Variants in PLCL2 observed in about 807,000 individuals in gnomAD.
PLCL2 encodes inactive phospholipase C-like protein 2.
Under a neutral mutation model 79.6 loss-of-function variants are expected in PLCL2, and 4 were observed. That is an observed-to-expected ratio of 0.05 (90% CI 0.02 to 0.11). The LOEUF is 0.11. PLCL2 is among the 10% of genes least tolerant of loss of function. The probability of loss-of-function intolerance (pLI) is 1.00; values close to 1 mark genes in which losing one functional copy is unlikely to be tolerated. For missense variants in PLCL2, 895 were observed against 1,291.0 expected, an observed-to-expected ratio of 0.69 and a Z score of 4.70; for synonymous variants, 484 against 457.7, an observed-to-expected ratio of 1.06 and a Z score of -0.73.
chr3:16,963,978 TA>T (rs1185046263), intron 1 of PLCL2, among the ~76,000 whole-genome samples: 2 of 152,178 alleles, frequency 1.3e-5, no homozygotes, highest in Non-Finnish European at 2.9e-5. Context: ...ATAAAGAATG[TA>T]AAAGTTATAA....
In PLCL2 at chr3:16,948,798, A is replaced by C. The variant is rs540249446; in HGVS notation, c.328-60876A>C. ...TTATCTACCAGAGAGAAAATCCCAG[A>C]GTTCAAATGTACTGAGAATTTTTAT... On this transcript the variant is annotated intron_variant, in intron 1 of 5. Transcript: ENST00000615277. Among the ~76,000 whole-genome samples, 33 of 152,350 alleles carry C rather than the reference A, an allele frequency of 2.2e-4. No individual in the cohort carries two copies. In the South Asian group the frequency reaches 6.8e-3, roughly 32 times the overall value.
intron 1 of PLCL2, among the ~76,000 whole-genome samples, chr3:16,970,038 T>TTTTA (rs1553640053): frequency 9.6e-5 from 13 of 135,902 alleles, no homozygotes; most frequent in Non-Finnish European, 1.7e-4. Context: ...TGGCTTTGAT[T>TTTTA]TATATATATA....
intron 1 of PLCL2, among the ~76,000 whole-genome samples, chr3:16,934,664 G>A (rs1697496048): frequency 1.3e-5 from 2 of 152,160 alleles, no homozygotes; most frequent in Admixed American, 1.3e-4. Flanking sequence ...AAACCGGAAA[G>A]GGATGGGATG....
At chr3:16,946,078 A>G (rs766735104) in intron 1 of PLCL2, among the ~76,000 whole-genome samples, 5 of 152,206 alleles carry the variant, frequency 3.3e-5, no homozygotes, top group African/African-American at 4.8e-5. Context: ...AATTTGTGAG[A>G]GCAACAGGCT....
chr3:17,055,249 C>G (rs2064881048), intron 4 of PLCL2, among the ~76,000 whole-genome samples: 1 of 152,146 alleles, frequency 6.6e-6, no homozygotes, highest in Non-Finnish European at 1.5e-5. Context: ...TATTGAACCA[C>G]CACATCTTCT....
At chr3:17,085,149 T>A (rs1415267616) in intron 5 of PLCL2, among the ~76,000 whole-genome samples, 3 of 151,296 alleles carry the variant, frequency 2.0e-5, no homozygotes, top group African/African-American at 4.9e-5. Flanking sequence ...AAAAAAAAAA[T>A]TTTGAGACAG....
At chr3:16,998,490 T>C (rs1193373173) in intron 1 of PLCL2, among the ~76,000 whole-genome samples, 1 of 152,186 alleles carries the variant, frequency 6.6e-6, no homozygotes, top group African/African-American at 2.4e-5. Context: ...CACCAAATTT[T>C]GCCAGCCACT....
chr3:17,037,006 A>T (rs1340229243), intron 3 of PLCL2, among the ~76,000 whole-genome samples: 16 of 152,228 alleles, frequency 1.1e-4, no homozygotes, highest in African/African-American at 3.4e-4. Context: ...ATATGATCAC[A>T]TTGACAATAC....
intron 1 of PLCL2, among the ~76,000 whole-genome samples, chr3:16,937,109 G>A (rs984664217): frequency 6.6e-6 from 1 of 152,088 alleles, no homozygotes; most frequent in Non-Finnish European, 1.5e-5. Context: ...ATTGCCAAAT[G>A]TCCCCTCAGG....
chr3:17,087,430 A>G (rs2065231946), intron 5 of PLCL2, among the ~76,000 whole-genome samples: 1 of 152,252 alleles, frequency 6.6e-6, no homozygotes, highest in African/African-American at 2.4e-5. Context: ...CTGTGTTTCC[A>G]ACTAGACGAC....
intron 3 of PLCL2, among the ~76,000 whole-genome samples, chr3:17,017,113 T>C (rs141129217): frequency 6.6e-6 from 1 of 152,338 alleles, no homozygotes; most frequent in Non-Finnish European, 1.5e-5. Flanking sequence ...GGCTCAGGAA[T>C]GGCTCATTGC....
intron 1 of PLCL2, among the ~76,000 whole-genome samples, chr3:16,926,117 G>T (rs781610660): frequency 6.6e-6 from 1 of 151,918 alleles, no homozygotes; most frequent in East Asian, 1.9e-4. Context: ...TATTTTTTTT[G>T]ATCAGCCTCA....
At chr3:17,051,047 G>A (rs2064833704) in intron 4 of PLCL2, among the ~76,000 whole-genome samples, 1 of 151,948 alleles carries the variant, frequency 6.6e-6, no homozygotes, top group Non-Finnish European at 1.5e-5. Context: ...AGCACAGAAA[G>A]ACAAACATCA....
chr3:16,986,182 G>A (rs2064048836), intron 1 of PLCL2, among the ~76,000 whole-genome samples: 1 of 152,102 alleles, frequency 6.6e-6, no homozygotes, highest in Admixed American at 6.5e-5. Context: ...CTTTGTCGTT[G>A]TGGACAACTT....
chr3:17,075,081 G>A (rs2065096653), intron 5 of PLCL2, among the ~76,000 whole-genome samples: 2 of 152,150 alleles, frequency 1.3e-5, no homozygotes, highest in African/African-American at 4.8e-5. Flanking sequence ...GGCTCATGTT[G>A]GCTTTTGACT....
At chr3:17,058,154 T>C (rs572388044) in intron 4 of PLCL2, among the ~76,000 whole-genome samples, 42 of 152,210 alleles carry the variant, frequency 2.8e-4, no homozygotes, top group Non-Finnish European at 5.4e-4. Flanking sequence ...AAGAAGGTGG[T>C]TTGTCTAAGA....
intron 1 of PLCL2, among the ~76,000 whole-genome samples, chr3:16,984,749 GGT>G (rs768501799): frequency 6.6e-6 from 1 of 152,064 alleles, no homozygotes; most frequent in Non-Finnish European, 1.5e-5. Flanking sequence ...TGGCTAACAT[GGT>G]GAAACCCTGT....
chr3:16,897,325 G>T (rs1030935544), intron 1 of PLCL2, among the ~76,000 whole-genome samples: 1 of 150,776 alleles, frequency 6.6e-6, no homozygotes, highest in Non-Finnish European at 1.5e-5. Context: ...GCCCTGGGTT[G>T]GTTATTTGGA....
intron 1 of PLCL2, among the ~76,000 whole-genome samples, chr3:17,003,654 C>A (rs934015917): frequency 6.6e-6 from 1 of 152,194 alleles, no homozygotes; most frequent in East Asian, 1.9e-4. Flanking sequence ...CCTGTCCTAA[C>A]CTGCCCTGCT....
Sources: gnomAD v4.1 joint callset for allele counts (sites outside exome capture counted in the v4.1 genomes callset) on GRCh38, gnomAD v4.1.1 for gene constraint, MANE v1.5 for transcripts, NCBI Gene and HGNC (gene_info 2026-07-23, HGNC 2026-07-21) for gene names.